SAMD10: variants seen among roughly 807,000 people sequenced by gnomAD.
SAMD10 encodes the protein sterile alpha motif domain containing 10.
In SAMD10, 16 loss-of-function variants were observed where a neutral mutation model predicts 22.5. The observed-to-expected ratio is 0.71, with a 90% confidence interval of 0.48 to 1.08. SAMD10 has a LOEUF of 1.08. Ranked by LOEUF, SAMD10 falls within the 50% of genes least tolerant of loss-of-function variation. SAMD10 has a pLI of 0.00. For missense variants in SAMD10, 227 were observed against 281.3 expected (o/e 0.81, Z 1.38); for synonymous variants, 118 against 122.2 (o/e 0.97, Z 0.23).
upstream of SAMD10, chr20:63,979,719 G>T: frequency 1.0e-6 from 1 of 981,236 alleles, no homozygotes; most frequent in South Asian, 4.7e-5. The surrounding 1 kb of genome is among the most constrained non-coding windows in gnomAD (Gnocchi z 7.7). Context: ...CCGCCAGGGC[G>T]AGGGGCGTCC....
Position 63,977,295 on chromosome 20 carries a change from G to C in SAMD10, c.203C>G (p.Ser68Cys), listed in dbSNP as rs1340923474. The C allele has an allele frequency of 3.1e-6, 5 of 1,613,380 alleles. No individual in the cohort carries two copies. The highest frequency in any genetic ancestry group is 4.2e-6 in the Non-Finnish European group (5 of 1,180,034). The change falls in exon 2 of 5, where the codon TCC becomes TGC. Residue 68 changes from serine (S) to cysteine (C), a missense_variant. Coordinates refer to ENST00000369886, the MANE Select transcript of SAMD10 (RefSeq NM_080621.5). The surrounding 1 kb of genome is among the most constrained non-coding windows in gnomAD (Gnocchi z 5.4). The stretch of plus-strand genomic sequence containing the variant: ...GCTGCTGGCCGCCCTCTGGCTGCGG[G>C]AGTCATGCCACGTGAGGCTGGTGCC... ...TPGTSLTWHDSRSQRAASSRP... is the reference protein window; with the variant it reads ...TPGTSLTWHDCRSQRAASSRP...
At position 63,977,377 on chromosome 20, in the gene SAMD10, G is replaced by A. The variant is rs375462359; in HGVS notation, c.121C>T (p.Leu41Phe). 6.2e-7 allele frequency: 1 copy of A among 1,613,246 alleles called. No homozygotes were observed. The highest frequency in any genetic ancestry group is 8.5e-7 in the Non-Finnish European group (1 of 1,180,018). ...TCAGCTGACACCGTGTGCTCCAGGA[G>A]GGTCCGGCAGAAGCTGAAGTGGGCA... Reference protein sequence around the residue: ...ATAHFSFCRTLLEHTVSAESI... With the variant: ...ATAHFSFCRTFLEHTVSAESI... Residue 41 changes from leucine (L) to phenylalanine (F), a missense_variant, in exon 2 of 5, where the codon CTC (leucine) becomes TTC (phenylalanine). Physicochemically the swap from Leu to Phe is conservative, Grantham distance 22. Coordinates refer to ENST00000369886, the MANE Select transcript of SAMD10 (RefSeq NM_080621.5). The surrounding 1 kb of genome is among the most constrained non-coding windows in gnomAD (Gnocchi z 5.4).
Position 63,977,515 on chromosome 20 carries a change from C to T in SAMD10, c.92-109G>A, listed in dbSNP as rs2059033590. On this transcript the variant is annotated intron_variant, in intron 1 of 4. Transcript: ENST00000369886. The surrounding 1 kb of genome is among the most constrained non-coding windows in gnomAD (Gnocchi z 5.4). ...TCCTCCACACTAGTGCGGGAAATCA[C>T]CTCCCCAATGAGGGGTTCCCAAGCC... 1 of 1,151,512 alleles carries T rather than the reference C, an allele frequency of 8.7e-7. No individual in the cohort carries two copies. The highest frequency in any genetic ancestry group is 1.2e-6 in the Non-Finnish European group (1 of 805,788). 71.3% of individuals were successfully genotyped at this position (1,151,512 alleles called of 1,614,324 possible). A position where few individuals can be genotyped will look rare whatever the true frequency, so the allele number is the denominator to read the frequency against.
intron 3 of SAMD10, among the ~76,000 whole-genome samples, chr20:63,976,764 C>CAAAAAAAAA (rs60461303): frequency 2.8e-4 from 18 of 63,930 alleles, no homozygotes; most frequent in African/African-American, 1.1e-3. Flanking sequence ...TCTGTCTCAC[C>CAAAAAAAAA]AAAAAAAAAA....
At position 63,975,144 on chromosome 20, in the gene SAMD10, C is replaced by T; in HGVS notation, c.*366G>A. On this transcript the variant is annotated 3_prime_UTR_variant, in exon 5 of 5. Coordinates refer to ENST00000369886, the MANE Select transcript of SAMD10 (RefSeq NM_080621.5). ...TCAGCAGGCGATGGGGGACCGACAT[C>T]ACGTGGAGAGGGGAATGTAAATAAA... 3.2e-6 allele frequency: 1 copy of T among 307,862 alleles called. No homozygotes were observed. Among genetic ancestry groups the T allele is most frequent in the Non-Finnish European group, 6.1e-6 (1 of 164,132 alleles). The allele number at this position is 307,862 out of a possible 1,614,324, so 19.1% of individuals were successfully genotyped here. A position where few individuals can be genotyped will look rare whatever the true frequency, so the allele number is the denominator to read the frequency against.
chr20:63,976,391 AAGG>A (rs764397917), intron 3 of SAMD10, among the ~76,000 whole-genome samples: 10 of 152,000 alleles, frequency 6.6e-5, no homozygotes, highest in Non-Finnish European at 1.0e-4. Context: ...GAGGGAAAGG[AAGG>A]AGAGCAAAAG....
chr20:63,975,973 G>A (rs1366681403), intron 3 of SAMD10, 141 bp from the exon 4 acceptor site: 1 of 817,326 alleles, frequency 1.2e-6, no homozygotes, highest in Non-Finnish European at 1.8e-6. Flanking sequence ...AGGAGTTCAA[G>A]ACCAGCCTGG....
At chr20:63,976,622 C>T (rs776543957) in intron 3 of SAMD10, among the ~76,000 whole-genome samples, 3 of 151,564 alleles carry the variant, frequency 2.0e-5, no homozygotes, top group Admixed American at 6.6e-5. Flanking sequence ...ATTAGCCAGG[C>T]GTGGTGGTGC....
At chr20:63,978,047 C>A (rs947157636) in intron 1 of SAMD10, among the ~76,000 whole-genome samples, 10 of 152,274 alleles carry the variant, frequency 6.6e-5, no homozygotes, top group African/African-American at 2.4e-4. Context: ...TGCCGCCCCC[C>A]ACAGGGCCTG....
intron 1 of SAMD10, among the ~76,000 whole-genome samples, chr20:63,978,902 C>G (rs578126647): frequency 2.0e-5 from 3 of 152,192 alleles, no homozygotes; most frequent in Admixed American, 1.3e-4. Context: ...GCACCTGCCC[C>G]GGCCAAGCAG....
In SAMD10 at chr20:63,977,169, A is replaced by G. The variant is rs2059030081; in HGVS notation, c.274-27T>C. 1 of 1,464,646 alleles carries G rather than the reference A, an allele frequency of 6.8e-7. No individual in the cohort carries two copies. The highest frequency in any genetic ancestry group is 9.2e-7 in the Non-Finnish European group (1 of 1,085,616). 90.7% of individuals were successfully genotyped at this position (1,464,646 alleles called of 1,614,324 possible). On this transcript the variant is annotated intron_variant, in intron 2 of 4. Transcript: ENST00000369886. The surrounding 1 kb of genome is among the most constrained non-coding windows in gnomAD (Gnocchi z 5.4). ...TGCAGGGGAGGGGCGTGGCAGGCAG[A>G]GTGAGAGTGGTGGAGAAGGAGGGCA...
rs1381524010 is a variant in SAMD10, at chr20:63,975,399, C to T, written c.*111G>A. 19 of 1,388,442 alleles carry T rather than the reference C, an allele frequency of 1.4e-5. No individual in the cohort carries two copies. The Admixed American group carries it at 1.9e-4, about 14-fold the overall frequency. The allele number at this position is 1,388,442 out of a possible 1,614,324, so 86.0% of individuals were successfully genotyped here. On this transcript the variant is annotated 3_prime_UTR_variant, in exon 5 of 5. Transcript: ENST00000369886. ...TGTCTGTCCGTTGGGCCAGCCTGGC[C>T]GCCCCGGCATCCCGCAGGGTCCAAG...
In SAMD10 at chr20:63,975,314, A is replaced by C; in HGVS notation, c.*196T>G. On this transcript the variant is annotated 3_prime_UTR_variant, in exon 5 of 5. Coordinates refer to ENST00000369886, the MANE Select transcript of SAMD10 (RefSeq NM_080621.5). ...CACTCAAGCAGCCCCCTACCCACCC[A>C]GCCCCAGGGCACGACCTGGAATGTC... is the stretch of plus-strand genomic sequence containing the variant. The C allele has an allele frequency of 4.1e-5, 23 of 561,332 alleles. No homozygotes were observed. The highest frequency in any genetic ancestry group is 4.6e-5 in the Non-Finnish European group (15 of 326,628). The allele number at this position is 561,332 out of a possible 1,614,324, so 34.8% of individuals were successfully genotyped here. A position where few individuals can be genotyped will look rare whatever the true frequency, so the allele number is the denominator to read the frequency against.
Position 63,979,294 on chromosome 20 carries a change from C to A in SAMD10, c.91+83G>T. ...CCAGCCACCGCCGCTCGAAGCCCGC[C>A]GGGTCCCGCCCCGCCCCCGTGCCTC... On this transcript the variant is annotated intron_variant, in intron 1 of 4. Transcript: ENST00000369886. This position sits in a 1 kb window ranked among gnomAD's most constrained non-coding sequence, Gnocchi z 7.7. 1 of 1,059,310 alleles carries A rather than the reference C, an allele frequency of 9.4e-7. No individual in the cohort carries two copies. The highest frequency in any genetic ancestry group is 1.3e-6 in the Non-Finnish European group (1 of 788,692). The allele number at this position is 1,059,310 out of a possible 1,614,324, so 65.6% of individuals were successfully genotyped here.
upstream of SAMD10, chr20:63,979,679 G>A: frequency 1.0e-6 from 1 of 985,302 alleles, no homozygotes; most frequent in Non-Finnish European, 1.2e-6. The surrounding 1 kb of genome is among the most constrained non-coding windows in gnomAD (Gnocchi z 7.7). Context: ...GTGTGTCGGC[G>A]GCGCGCGGGC....
chr20:63,978,200 G>A, intron 1 of SAMD10: 1 of 689,650 alleles, frequency 1.5e-6, no homozygotes, highest in Non-Finnish European at 2.3e-6. Flanking sequence ...CTGCATTAAA[G>A]TGTTTCATCT....
At position 63,979,487 on chromosome 20, in the gene SAMD10, C is replaced by T. The variant is rs2059049243; in HGVS notation, c.-20G>A. ...GAACATGGGGCCCGCGGGTGCCAGG[C>T]CCGCGCACACGCCCCTCGCCGAGTG... On this transcript the variant is annotated 5_prime_UTR_variant, in exon 1 of 5. Transcript: ENST00000369886. The surrounding 1 kb of genome is among the most constrained non-coding windows in gnomAD (Gnocchi z 7.7). The T allele has an allele frequency of 2.6e-5, 35 of 1,320,962 alleles. No homozygotes were observed. Among genetic ancestry groups the T allele is most frequent in the Non-Finnish European group, 3.3e-5 (34 of 1,037,764 alleles). 81.8% of individuals were successfully genotyped at this position (1,320,962 alleles called of 1,614,324 possible).
chr20:63,977,079 G>T lies in SAMD10; in HGVS notation c.337C>A (p.Arg113=), dbSNP rs777938779. 1 of 1,614,144 alleles carries T rather than the reference G, an allele frequency of 6.2e-7. No homozygotes were observed. The highest frequency in any genetic ancestry group is 1.7e-5 in the Admixed American group (1 of 60,020). Residue 113 remains arginine (R), a synonymous_variant, in exon 3 of 5, where the codon CGG becomes AGG. Transcript: ENST00000369886. This position sits in a 1 kb window ranked among gnomAD's most constrained non-coding sequence, Gnocchi z 5.4. ...TGCTGACTCCACAGGACCACGGGCCGGGTCAGGCCACCCAGCGAGGGGCTT... is the reference window on the plus strand; with the variant it reads ...TGCTGACTCCACAGGACCACGGGCCTGGTCAGGCCACCCAGCGAGGGGCTT... ...HTSPSLGGLT[R]PVVLWSQQDV... is the part of the protein sequence containing the mutation.
rs1346762561 is a variant in SAMD10 at position 63,979,331 on chromosome 20, G to A, written c.91+46C>T. The A allele has an allele frequency of 1.5e-6, 2 of 1,304,226 alleles. No homozygotes were observed. Among genetic ancestry groups the A allele is most frequent in the African/African-American group, 1.6e-5 (1 of 62,138 alleles). The allele number at this position is 1,304,226 out of a possible 1,614,324, so 80.8% of individuals were successfully genotyped here. A position where few individuals can be genotyped will look rare whatever the true frequency, so the allele number is the denominator to read the frequency against. On this transcript the variant is annotated intron_variant, in intron 1 of 4. Coordinates refer to ENST00000369886, the MANE Select transcript of SAMD10 (RefSeq NM_080621.5). This position sits in a 1 kb window ranked among gnomAD's most constrained non-coding sequence, Gnocchi z 7.7. ...CGCCCCCGTGCCTCTGGGTCCCTGA[G>A]ACCCCCGCCCGAGAAATCCCCGCTC... is the stretch of plus-strand genomic sequence containing the variant.
Sources: allele counts gnomAD v4.1 joint callset (sites outside exome capture counted in the v4.1 genomes callset), GRCh38; gene constraint gnomAD v4.1.1; non-coding constraint Gnocchi (gnomAD v3.1); transcripts MANE v1.5; gene names NCBI Gene and HGNC (gene_info 2026-07-23, HGNC 2026-07-21).